CLNK: variants seen among roughly 807,000 people sequenced by gnomAD.
CLNK encodes the protein cytokine dependent hematopoietic cell linker.
CLNK carries 74 observed loss-of-function variants against 68.6 expected under a neutral mutation model. The observed-to-expected ratio is 1.08, with a 90% CI of 0.89 to 1.31. The LOEUF is 1.31. Among genes scored for constraint, CLNK ranks in the 50% most tolerant of loss-of-function variants. The probability of loss-of-function intolerance (pLI) is 0.00; values close to 1 mark genes in which losing one functional copy is unlikely to be tolerated. For missense variants in CLNK, 553 were observed against 515.3 expected, an observed-to-expected ratio of 1.07 and a Z score of -0.71; for synonymous variants, 198 against 172.2, an observed-to-expected ratio of 1.15 and a Z score of -1.17.
At chr4:10,700,894 T>C in the CLNK span, among the ~76,000 whole-genome samples, 1 of 152,208 alleles carries the variant, frequency 6.6e-6, no homozygotes, top group Admixed American at 6.5e-5. Flanking sequence ...ATGATGCACA[T>C]ATAATTACAC....
the CLNK span, among the ~76,000 whole-genome samples, chr4:10,699,500 A>G: frequency 4.5e-5 from 1 of 22,088 alleles, no homozygotes; most frequent in African/African-American, 1.4e-4. Context: ...CTCTCTATAT[A>G]TATATATATA....
chr4:10,531,738 GC>G (rs1468239422), intron 12 of CLNK: 3 of 456,636 alleles, frequency 6.6e-6, no homozygotes, highest in African/African-American at 6.0e-5. Context: ...ACTGCACCTG[GC>G]CCCCATCCCT....
intron 2 of CLNK, among the ~76,000 whole-genome samples, chr4:10,655,334 CAGAGAGAGAGAGAG>C (rs148877353): frequency 5.1e-4 from 69 of 135,410 alleles, no homozygotes; most frequent in African/African-American, 5.3e-4. Context: ...CCCCCAAAGA[CAGAGAGAGAGAGAG>C]AGAGAGAGAG....
the CLNK span, among the ~76,000 whole-genome samples, chr4:10,718,754 T>A: frequency 6.6e-6 from 1 of 152,028 alleles, no homozygotes; most frequent in African/African-American, 2.4e-5. Flanking sequence ...AAAATATGGA[T>A]AAACAAAATA....
intron 2 of CLNK, among the ~76,000 whole-genome samples, chr4:10,667,435 C>T (rs553889574): frequency 7.0e-6 from 1 of 141,976 alleles, no homozygotes; most frequent in African/African-American, 2.6e-5. Context: ...TTTAATCAGG[C>T]ACAAATTTCG....
rs1718971733 is a variant in CLNK at position 10,540,548 on chromosome 4, C to T, written c.548G>A (p.Ser183Asn). The T allele has an allele frequency of 1.1e-5, 18 of 1,613,882 alleles. No homozygotes were observed. Among genetic ancestry groups the T allele is most frequent in the Non-Finnish European group, 1.5e-5 (18 of 1,179,826 alleles). Residue 183 changes from serine (S) to asparagine (N), a missense_variant, in exon 11 of 19, where the codon AGC (serine) becomes AAC (asparagine). Coordinates refer to ENST00000226951, the MANE Select transcript of CLNK (RefSeq NM_052964.4). Reference protein sequence around the residue: ...YQPLPPEPESSRPPLSQRHTF... With the variant: ...YQPLPPEPESNRPPLSQRHTF... ...GTGTCTCTGAGATAAAGGTGGCCTG[C>T]TGCTCTCCGGCTCAGGGGGCAAGGG...
At chr4:10,654,942 A>G (rs1723904983) in intron 2 of CLNK, among the ~76,000 whole-genome samples, 1 of 151,964 alleles carries the variant, frequency 6.6e-6, no homozygotes, top group Non-Finnish European at 1.5e-5. Flanking sequence ...CTCTACTAAA[A>G]ATATAAAAAA....
chr4:10,503,409 C>T (rs994607857), intron 17 of CLNK, among the ~76,000 whole-genome samples: 2 of 151,228 alleles, frequency 1.3e-5, no homozygotes, highest in African/African-American at 4.9e-5. Flanking sequence ...TTGCAGTGAG[C>T]CGAGATCATG....
chr4:10,654,981 G>A (rs1020744611), intron 2 of CLNK, among the ~76,000 whole-genome samples: 1 of 151,254 alleles, frequency 6.6e-6, no homozygotes. Context: ...AGCGCCTGTA[G>A]TCCCACCTAC....
At chr4:10,669,174 T>TG (rs112101405) in intron 1 of CLNK, among the ~76,000 whole-genome samples, 8 of 152,342 alleles carry the variant, frequency 5.3e-5, no homozygotes, top group African/African-American at 1.9e-4. Context: ...TACCATTTAC[T>TG]GAAAATGTAC....
At chr4:10,513,402 G>A in intron 16 of CLNK, 62 bp downstream of exon 16, 1 of 1,517,256 alleles carries the variant, frequency 6.6e-7, no homozygotes. Context: ...GCATTGTTCA[G>A]GAAAGCTCTA....
intron 2 of CLNK, chr4:10,635,873 C>T (rs1424750095): frequency 6.6e-6 from 1 of 152,250 alleles, no homozygotes; most frequent in East Asian, 1.9e-4. Context: ...CTACGCTCTT[C>T]TGCACAGCAT....
intron 18 of CLNK, among the ~76,000 whole-genome samples, chr4:10,500,627 C>G (rs187543323): frequency 3.3e-4 from 50 of 151,754 alleles, no homozygotes; most frequent in African/African-American, 1.1e-3. Context: ...TTGCAGTGAG[C>G]CGAGATCTGT....
rs149092525 is a variant in CLNK, at chr4:10,548,676, C to G, written c.446-6396G>C. Among the ~76,000 whole-genome samples the G allele has an allele frequency of 3.2e-3, 490 of 152,262 alleles. 5 individuals are homozygous for G. The highest frequency in any genetic ancestry group is 0.011 in the African/African-American group (472 of 41,544). On this transcript the variant is annotated intron_variant, in intron 8 of 18. Transcript: ENST00000226951. ...GATTTAATCCACCCCAAATTGATTT[C>G]CTTGCATGGTGTGAGGAACGTGGTC...
intron 4 of CLNK, among the ~76,000 whole-genome samples, chr4:10,577,199 A>G (rs1344703651): frequency 6.6e-6 from 1 of 152,232 alleles, no homozygotes; most frequent in Non-Finnish European, 1.5e-5. Flanking sequence ...AGGTTCCCCA[A>G]GCAAAACCAG....
chr4:10,551,253 C>G, intron 8 of CLNK, among the ~76,000 whole-genome samples: 1 of 152,036 alleles, frequency 6.6e-6, no homozygotes, highest in South Asian at 2.1e-4. Context: ...ACCACCCCCC[C>G]ACTTTTTTTG....
intron 2 of CLNK, among the ~76,000 whole-genome samples, chr4:10,664,695 T>C (rs1475811950): frequency 6.6e-6 from 1 of 152,220 alleles, no homozygotes; most frequent in African/African-American, 2.4e-5. Flanking sequence ...ATTCTGTGTT[T>C]CTAACAAGCT....
rs78142618 is a variant in CLNK, at chr4:10,551,140, G to A, written c.445+7267C>T. Among the ~76,000 whole-genome samples the A allele has an allele frequency of 6.9e-3, 1,047 of 152,302 alleles. 11 individuals are homozygous for A. The highest frequency in any genetic ancestry group is 0.024 in the African/African-American group (982 of 41,554). On this transcript the variant is annotated intron_variant, in intron 8 of 18. Transcript: ENST00000226951. The stretch of plus-strand genomic sequence containing the variant: ...CTTGATATTTTCAGACCTTGGTTGA[G>A]CATGGGTAACTGAAACTGTGGAAAG...
chr4:10,489,543 G>A lies in CLNK; in HGVS notation c.*924C>T, dbSNP rs983788253. The stretch of plus-strand genomic sequence containing the variant: ...CCATGACCGTTTCACACCCTAGTCA[G>A]AGGATTTTCAGTTTCTGTCTTCAAG... On this transcript the variant is annotated 3_prime_UTR_variant, in exon 19 of 19. Transcript: ENST00000226951. 1 of 152,096 alleles carries A rather than the reference G, an allele frequency of 6.6e-6. No homozygotes were observed. The allele number at this position is 152,096 out of a possible 1,614,324, so 9.4% of individuals were successfully genotyped here. A position where few individuals can be genotyped will look rare whatever the true frequency, so the allele number is the denominator to read the frequency against.
Sources: gnomAD v4.1 joint callset for allele counts (sites outside exome capture counted in the v4.1 genomes callset) on GRCh38, gnomAD v4.1.1 for gene constraint, MANE v1.5 for transcripts, NCBI Gene and HGNC (gene_info 2026-07-23, HGNC 2026-07-21) for gene names.